Variants in LILRB5 observed in about 807,000 individuals in gnomAD.
The protein encoded by LILRB5 is leukocyte immunoglobulin-like receptor subfamily B member 5.
Under a neutral mutation model 68.4 loss-of-function variants are expected in LILRB5, and 61 were observed. The ratio of observed to expected loss-of-function variants is 0.89; its 90% CI spans 0.73 to 1.10. The LOEUF is 1.10. Ranked by LOEUF, LILRB5 falls within the 50% of genes least tolerant of loss-of-function variation. The pLI is 0.00. For missense variants in LILRB5, 771 were observed against 751.6 expected (o/e 1.03, Z -0.30); for synonymous variants, 356 against 315.8 (o/e 1.13, Z -1.35).
chr19:54,255,610 G>C, intron 4 of LILRB5, 28 bp from the exon 5 acceptor site: 1 of 1,602,182 alleles, frequency 6.2e-7, no homozygotes, highest in Non-Finnish European at 8.5e-7. Context: ...TTGGGACTTG[G>C]AAGGCTGGTT....
Position 54,256,285 on chromosome 19 carries a change from C to T in LILRB5, c.413G>A (p.Gly138Glu). 6.2e-7 allele frequency: 1 copy of T among 1,613,440 alleles called. No individual in the cohort carries two copies. The highest frequency in any genetic ancestry group is 8.5e-7 in the Non-Finnish European group (1 of 1,179,884). Reference protein sequence around the residue: ...ALPSPVVASGGNVTLQCDTLD... With the variant: ...ALPSPVVASGENVTLQCDTLD... Reference sequence around the variant, plus strand: ...TGTATCACACTGGAGGGTCACATTTCCTCCTGAGGCCACCACAGGACTCGG... The same window carrying T: ...TGTATCACACTGGAGGGTCACATTTTCTCCTGAGGCCACCACAGGACTCGG... Residue 138 changes from glycine to glutamate, a missense_variant, in exon 4 of 13, where the codon GGA (glycine) becomes GAA (glutamate). By Grantham distance (98) the Gly-to-Glu change is moderately conservative. Coordinates refer to ENST00000449561, the MANE Select transcript of LILRB5 (RefSeq NM_001081442.3).
intron 4 of LILRB5, 182 bp from the exon 5 acceptor site, chr19:54,255,764 A>T: frequency 1.3e-6 from 1 of 773,070 alleles, no homozygotes; most frequent in Non-Finnish European, 2.0e-6. Context: ...TGTCTCTCTG[A>T]CTCCTGGCCA....
At position 54,252,933 on chromosome 19, in the gene LILRB5, A is replaced by AAG; in HGVS notation, c.1411_1412insCT (p.Leu471ProfsTer60). On this transcript the variant is annotated frameshift_variant, in exon 9 of 13. Coordinates refer to ENST00000449561, the MANE Select transcript of LILRB5 (RefSeq NM_001081442.3). LOFTEE classifies it high-confidence loss of function. ...GAGGAGGAAGAGGAGGAGGAACAGC[A>AAG]GCAGGACGAAGGCCACTGAGACCCC... 1 of 1,587,410 alleles carries AAG rather than the reference A, an allele frequency of 6.3e-7. No homozygotes were observed. The highest frequency in any genetic ancestry group is 1.1e-5 in the South Asian group (1 of 90,802).
At chr19:54,256,892 A>G in intron 2 of LILRB5, 69 bp downstream of exon 2, 13 of 1,612,102 alleles carry the variant, frequency 8.1e-6, no homozygotes, top group Non-Finnish European at 1.0e-5. Context: ...CTCCACCCCC[A>G]GCTGCCCGGG....
chr19:54,255,428 C>T lies in LILRB5; in HGVS notation c.810G>A (p.Gln270=), dbSNP rs2079101362. ...EHDLVQGSGQ[Q]PQAGLSQANF... is the part of the protein sequence containing the mutation. ...TGGCCTGGGAGAGCCCAGCCTGGGG[C>T]TGCTGGCCAGAGCCCTGGACGAGGT... Residue 270 remains glutamine, a synonymous_variant, in exon 5 of 13, where the codon CAG becomes CAA. Coordinates refer to ENST00000449561, the MANE Select transcript of LILRB5 (RefSeq NM_001081442.3). The T allele has an allele frequency of 6.2e-7, 1 of 1,614,170 alleles. No homozygotes were observed. Among genetic ancestry groups the T allele is most frequent in the South Asian group, 1.1e-5 (1 of 91,084 alleles).
At position 54,255,457 on chromosome 19, in the gene LILRB5, G is replaced by C; in HGVS notation, c.781C>G (p.His261Asp). The change falls in exon 5 of 13, where the codon CAT (histidine) becomes GAT (aspartate). Residue 261 changes from histidine (H) to aspartate (D), a missense_variant. Physicochemically the swap from His to Asp is moderately conservative, Grantham distance 81. Coordinates refer to ENST00000449561, the MANE Select transcript of LILRB5 (RefSeq NM_001081442.3). ...DIFVLYKEGE[H>D]DLVQGSGQQP... Reference sequence around the variant, plus strand: ...TGGCCAGAGCCCTGGACGAGGTCATGTTCCCCCTCCTTGTACAGAACGAAT... The same window carrying C: ...TGGCCAGAGCCCTGGACGAGGTCATCTTCCCCCTCCTTGTACAGAACGAAT... 1 of 1,614,108 alleles carries C rather than the reference G, an allele frequency of 6.2e-7. No individual in the cohort carries two copies. Among genetic ancestry groups the C allele is most frequent in the Admixed American group, 1.7e-5 (1 of 60,026 alleles).
At chr19:54,253,025 T>C (rs756535040) in intron 8 of LILRB5, 38 bp from the exon 9 acceptor site, 1 of 1,410,602 alleles carries the variant, frequency 7.1e-7, no homozygotes, top group South Asian at 1.2e-5. Flanking sequence ...GATGACGTCA[T>C]TGATGTGAGC....
At chr19:54,251,841 A>T in intron 12 of LILRB5, 1 of 731,962 alleles carries the variant, frequency 1.4e-6, no homozygotes, top group East Asian at 2.6e-5. Context: ...CAAACAGAGG[A>T]TGAGGAGCAG....
chr19:54,254,734 C>T lies in LILRB5; in HGVS notation c.1255+1G>A, dbSNP rs1487172623. 1 of 1,613,870 alleles carries T rather than the reference C, an allele frequency of 6.2e-7. No individual in the cohort carries two copies. Among genetic ancestry groups the T allele is most frequent in the East Asian group, 2.2e-5 (1 of 44,870 alleles). On this transcript the variant is annotated splice_donor_variant, in intron 6 of 12. Transcript: ENST00000449561. LOFTEE classifies it high-confidence loss of function. ...GGACAGGACAGGGTCAGGGCCCTCA[C>T]CTGAGACCACGAGCTCCTGGGGGTA...
rs951618290 is a variant in LILRB5 at position 54,254,183 on chromosome 19, G to A, written c.1307-115C>T. Reference sequence around the variant, plus strand: ...AACATCTCTCTCTGCCTCGACGCCCGCCCCCTCACCGGCCCAGCCTCAGAG... The same window carrying A: ...AACATCTCTCTCTGCCTCGACGCCCACCCCCTCACCGGCCCAGCCTCAGAG... On this transcript the variant is annotated intron_variant, in intron 7 of 12. Coordinates refer to ENST00000449561, the MANE Select transcript of LILRB5 (RefSeq NM_001081442.3). 5.0e-5 allele frequency: 76 copies of A among 1,505,192 alleles called. 1 individual carries two copies. Among genetic ancestry groups the A allele is most frequent in the Middle Eastern group, 3.6e-4 (2 of 5,630 alleles). 93.2% of individuals were successfully genotyped at this position (1,505,192 alleles called of 1,614,324 possible). A position where few individuals can be genotyped will look rare whatever the true frequency, so the allele number is the denominator to read the frequency against.
chr19:54,253,772 C>T, intron 8 of LILRB5: 1 of 1,384,348 alleles, frequency 7.2e-7, no homozygotes, highest in African/African-American at 1.4e-5. Flanking sequence ...GCCTGAATGC[C>T]CCAAACCACG....
intron 8 of LILRB5, 196 bp from the exon 9 acceptor site, chr19:54,253,183 G>A (rs865921352): frequency 3.5e-4 from 97 of 274,040 alleles, no homozygotes; most frequent in African/African-American, 1.9e-3. Context: ...AGGCTCCTCA[G>A]CCTGGAAGAA....
chr19:54,254,441 G>A (rs554745549), intron 6 of LILRB5, 26 bp from the exon 7 acceptor site: 2 of 1,565,416 alleles, frequency 1.3e-6, no homozygotes, highest in Admixed American at 1.9e-5. Flanking sequence ...GAAAGGGAGC[G>A]AGGCGCTTTG....
rs2078918066 is a variant in LILRB5, at chr19:54,250,810, G to A, written c.1752C>T (p.Ile584=). The stretch of plus-strand genomic sequence containing the variant: ...GCTAGTGGATGGCCAGGGGGGCGTA[G>A]ATGCTGGGTTCAGCTGGAGGTTCCC... The part of the protein sequence containing the change: ...QEREPPAEPS[I]YAPLAIH Residue 584 remains isoleucine, a synonymous_variant, in exon 13 of 13, where the codon ATC becomes ATT. Coordinates refer to ENST00000449561, the MANE Select transcript of LILRB5 (RefSeq NM_001081442.3). 6.2e-7 allele frequency: 1 copy of A among 1,614,022 alleles called. No individual in the cohort carries two copies. Among genetic ancestry groups the A allele is most frequent in the Admixed American group, 1.7e-5 (1 of 60,000 alleles).
At chr19:54,252,148 T>C (rs771973883) in intron 11 of LILRB5, 42 bp from the exon 12 acceptor site, 13 of 1,604,814 alleles carry the variant, frequency 8.1e-6, no homozygotes, top group Non-Finnish European at 1.1e-5. Context: ...GGGAAGGTTC[T>C]CTGAGACTTC....
rs1445563906 is a variant in LILRB5 at position 54,254,988 on chromosome 19, C to T, written c.1002G>A (p.Val334=). 6 of 1,612,480 alleles carry T rather than the reference C, an allele frequency of 3.7e-6. No homozygotes were observed. The highest frequency in any genetic ancestry group is 5.1e-6 in the Non-Finnish European group (6 of 1,179,266). Residue 334 remains valine (V), a synonymous_variant, in exon 6 of 13, where the codon GTG becomes GTA. Coordinates refer to ENST00000449561, the MANE Select transcript of LILRB5 (RefSeq NM_001081442.3). ...PALSVQPGPK[V]ASGENVTLLC... is the part of the protein sequence containing the mutation. ...GCAGGGTCACGTTCTCTCCTGAGGC[C>T]ACCTTGGGGCCCGGCTGCACCGAGA... is the stretch of plus-strand genomic sequence containing the variant.
chr19:54,255,346 C>T lies in LILRB5; in HGVS notation c.892G>A (p.Ala298Thr). The change falls in exon 5 of 13, where the codon GCA becomes ACA. Residue 298 changes from alanine (A) to threonine (T), a missense_variant. Transcript: ENST00000449561. ...SHGGQYRCYG[A>T]HNLSPRWSAP... The stretch of plus-strand genomic sequence containing the variant: ...GACCACCTAGGGGAGAGGTTGTGTG[C>T]ACCGTAGCATCTGTACTGGCCCCCG... 1 of 1,614,024 alleles carries T rather than the reference C, an allele frequency of 6.2e-7. No individual in the cohort carries two copies. Among genetic ancestry groups the T allele is most frequent in the Non-Finnish European group, 8.5e-7 (1 of 1,179,976 alleles).
Position 54,254,385 on chromosome 19 carries a change from G to A in LILRB5, c.1286C>T (p.Thr429Ile). The A allele has an allele frequency of 6.3e-7, 1 of 1,584,950 alleles. No individual in the cohort carries two copies. Reference sequence around the variant, plus strand: ...CTCACCAGGTGTGGGGGTGGAGCCTGTAGGTGAGAGGCTGGGATCCCCAGA... The same window carrying A: ...CTCACCAGGTGTGGGGGTGGAGCCTATAGGTGAGAGGCTGGGATCCCCAGA... ...GPSGDPSLSP[T>I]GSTPTPAGPE... Residue 429 changes from threonine (T) to isoleucine (I), a missense_variant, in exon 7 of 13, where the codon ACA becomes ATA. Coordinates refer to ENST00000449561, the MANE Select transcript of LILRB5 (RefSeq NM_001081442.3).
At chr19:54,255,804 G>T in intron 4 of LILRB5, 1 of 674,284 alleles carries the variant, frequency 1.5e-6, no homozygotes, top group Non-Finnish European at 2.5e-6. Flanking sequence ...TCTCCTCATT[G>T]AGGGACAGGA....
Sources: allele counts gnomAD v4.1 joint callset, GRCh38; gene constraint gnomAD v4.1.1; transcripts MANE v1.5; gene names NCBI Gene and HGNC (gene_info 2026-07-23, HGNC 2026-07-21).